Variants in CORIN observed in about 807,000 individuals in gnomAD.
The protein encoded by CORIN is corin, serine peptidase, also known as atrial natriuretic peptide-converting enzyme.
Under a neutral mutation model 125.3 loss-of-function variants are expected in CORIN, and 117 were observed. The ratio of observed to expected loss-of-function variants is 0.93; its 90% CI spans 0.80 to 1.09. CORIN has a LOEUF of 1.09. Among genes scored for constraint, CORIN ranks in the 50% least tolerant of loss-of-function variants. The pLI, the probability that CORIN is intolerant of heterozygous loss-of-function variation, is 0.00. For synonymous variants in CORIN, 450 were observed against 466.4 expected (o/e 0.96, Z 0.45); for missense variants, 1,253 against 1,306.7 (o/e 0.96, Z 0.63).
chr4:47,713,852 TG>T, intron 5 of CORIN, among the ~76,000 whole-genome samples: 1 of 152,316 alleles, frequency 6.6e-6, no homozygotes, highest in East Asian at 1.9e-4. Flanking sequence ...TTTTTTTTAA[TG>T]GCATAAATGA....
chr4:47,804,742 G>A (rs1319178335), intron 2 of CORIN, among the ~76,000 whole-genome samples: 3 of 128,336 alleles, frequency 2.3e-5, no homozygotes, highest in Admixed American at 8.2e-5. Flanking sequence ...GGGGAGGGGG[G>A]GGGTTGTTAA....
intron 6 of CORIN, among the ~76,000 whole-genome samples, chr4:47,686,472 G>A (rs1211450089): frequency 6.6e-6 from 1 of 152,094 alleles, no homozygotes; most frequent in Non-Finnish European, 1.5e-5. Flanking sequence ...ACTCAGCAGA[G>A]GGCGCTATTT....
intron 5 of CORIN, among the ~76,000 whole-genome samples, chr4:47,727,897 T>C (rs1171710280): frequency 6.6e-6 from 1 of 152,216 alleles, no homozygotes; most frequent in Non-Finnish European, 1.5e-5. Flanking sequence ...GTACAAGGGC[T>C]GTGTACTTTG....
chr4:47,691,465 T>A (rs1449491619), intron 6 of CORIN, among the ~76,000 whole-genome samples: 1 of 152,160 alleles, frequency 6.6e-6, no homozygotes, highest in Non-Finnish European at 1.5e-5. Context: ...AAATTCCAAG[T>A]CGTAAAACAC....
chr4:47,609,636 A>G (rs1721798104), intron 19 of CORIN, among the ~76,000 whole-genome samples: 1 of 152,124 alleles, frequency 6.6e-6, no homozygotes, highest in South Asian at 2.1e-4. Flanking sequence ...ACATGTGCAG[A>G]AAGTGCAGGT....
chr4:47,737,680 A>T (rs1728195109), intron 5 of CORIN, among the ~76,000 whole-genome samples: 1 of 152,180 alleles, frequency 6.6e-6, no homozygotes, highest in Non-Finnish European at 1.5e-5. Flanking sequence ...TACTCTGTAC[A>T]CCAAACTCCA....
intron 5 of CORIN, among the ~76,000 whole-genome samples, chr4:47,694,833 C>A (rs904780913): frequency 6.6e-6 from 1 of 151,976 alleles, no homozygotes; most frequent in African/African-American, 2.4e-5. Flanking sequence ...CCTAATAGAA[C>A]AATATATTGC....
intron 3 of CORIN, among the ~76,000 whole-genome samples, chr4:47,769,147 AT>A (rs1311519751): frequency 6.6e-6 from 1 of 152,202 alleles, no homozygotes; most frequent in Non-Finnish European, 1.5e-5. Flanking sequence ...CAAAATCAAC[AT>A]AAAAAATCAG....
intron 4 of CORIN, among the ~76,000 whole-genome samples, chr4:47,747,493 GTTATT>G (rs992501598): frequency 4.0e-5 from 6 of 151,258 alleles, no homozygotes; most frequent in African/African-American, 1.5e-4. Flanking sequence ...TCTGAACTGA[GTTATT>G]TTATTTTATT....
intron 19 of CORIN, among the ~76,000 whole-genome samples, chr4:47,608,562 A>G (rs1309784148): frequency 6.6e-6 from 1 of 152,206 alleles, no homozygotes; most frequent in East Asian, 1.9e-4. Context: ...AAGATGTTAA[A>G]ACACCTTATT....
chr4:47,668,851 G>A (rs1267632680), intron 10 of CORIN, among the ~76,000 whole-genome samples: 16 of 152,144 alleles, frequency 1.1e-4, no homozygotes, highest in Admixed American at 2.6e-4. Context: ...TATTGAATTC[G>A]GTAAGGTTTA....
At chr4:47,708,518 A>G (rs1726681649) in intron 5 of CORIN, among the ~76,000 whole-genome samples, 1 of 152,188 alleles carries the variant, frequency 6.6e-6, no homozygotes, top group Non-Finnish European at 1.5e-5. Flanking sequence ...CCATTGCCAC[A>G]TAACCTAATT....
At chr4:47,663,452 G>GTGAT (rs1178431517) in intron 11 of CORIN, among the ~76,000 whole-genome samples, 28 of 152,082 alleles carry the variant, frequency 1.8e-4, no homozygotes, top group Non-Finnish European at 2.8e-4. Flanking sequence ...AAAATTCGTA[G>GTGAT]TGATAGACAC....
At chr4:47,683,598 T>A (rs1725382957) in intron 7 of CORIN, 133 bp downstream of exon 7, 4 of 628,186 alleles carry the variant, frequency 6.4e-6, no homozygotes, top group Non-Finnish European at 2.7e-6. Context: ...AACTTCCTCC[T>A]TCTAAAAAAC....
chr4:47,648,458 T>A (rs992875824), intron 13 of CORIN, among the ~76,000 whole-genome samples: 2 of 152,176 alleles, frequency 1.3e-5, no homozygotes, highest in African/African-American at 4.8e-5. Flanking sequence ...TCACACTAAG[T>A]GTGCTAAGCA....
chr4:47,806,882 T>C, intron 2 of CORIN, 21 bp downstream of exon 2: 1 of 1,592,558 alleles, frequency 6.3e-7, no homozygotes, highest in Non-Finnish European at 8.5e-7. Context: ...TTCATTTTTA[T>C]TTAATAATGG....
At chr4:47,618,624 C>T (rs1021536458) in intron 19 of CORIN, among the ~76,000 whole-genome samples, 1 of 151,924 alleles carries the variant, frequency 6.6e-6, no homozygotes, top group Non-Finnish European at 1.5e-5. Context: ...TCGAGACCAT[C>T]CTGGCTAACA....
At position 47,674,473 on chromosome 4, in the gene CORIN, T is replaced by A; in HGVS notation, c.1277A>T (p.Gln426Leu). The A allele has an allele frequency of 1.2e-6, 2 of 1,613,806 alleles. No homozygotes were observed. Among genetic ancestry groups the A allele is most frequent in the Non-Finnish European group, 1.7e-6 (2 of 1,179,722 alleles). ...AAGGCAGGGATTGTAGAGGCATCTT[T>A]GGTCTCCTTCTTGACATGAAGTCTG... is the stretch of plus-strand genomic sequence containing the variant. ...VIQTSCQEGD[Q>L]RCLYNPCLDS... Residue 426 changes from glutamine (Q) to leucine (L), a missense_variant, in exon 10 of 22, where the codon CAA becomes CTA. Physicochemically the swap from Gln to Leu is moderately radical, Grantham distance 113. Coordinates refer to ENST00000273857, the MANE Select transcript of CORIN (RefSeq NM_006587.4).
rs1172328851 is a variant in CORIN at position 47,750,462 on chromosome 4, A to G, written c.618-5879T>C. 2.6e-5 allele frequency among the ~76,000 whole-genome samples: 4 copies of G among 152,344 alleles called. No individual in the cohort carries two copies. In the East Asian group the frequency reaches 7.7e-4, roughly 29 times the overall value. On this transcript the variant is annotated intron_variant, in intron 4 of 21. Transcript: ENST00000273857. ...TGAGCCACTAAAGCAGGTTCACTGC[A>G]GAATGTTTAATGAAGGGCTCTGATC...
Sources: allele counts gnomAD v4.1 joint callset (sites outside exome capture counted in the v4.1 genomes callset), GRCh38; gene constraint gnomAD v4.1.1; transcripts MANE v1.5; gene names NCBI Gene and HGNC (gene_info 2026-07-23, HGNC 2026-07-21).